The following NAV2 variants were observed in gnomAD, a reference collection of about 807,000 sequenced individuals.
NAV2 encodes the protein helicase, APC down-regulated 1.
Under a neutral mutation model 223.2 loss-of-function variants are expected in NAV2, and 54 were observed. The ratio of observed to expected loss-of-function variants is 0.24; its 90% CI spans 0.19 to 0.30. NAV2 has a LOEUF of 0.30. Ranked by LOEUF, NAV2 falls within the 10% of genes least tolerant of loss-of-function variation. The probability of loss-of-function intolerance (pLI) is 1.00; values close to 1 mark genes in which losing one functional copy is unlikely to be tolerated. For missense variants in NAV2, 2,806 were observed against 3,147.5 expected, an observed-to-expected ratio of 0.89 and a Z score of 2.60; for synonymous variants, 1,279 against 1,239.3, an observed-to-expected ratio of 1.03 and a Z score of -0.67.
At chr11:19,944,587 TTTTCC>T (rs908494293) in intron 8 of NAV2, among the ~76,000 whole-genome samples, 22 of 150,942 alleles carry the variant, frequency 1.5e-4, no homozygotes, top group African/African-American at 4.1e-4. Flanking sequence ...TCCATTTCCA[TTTTCC>T]TTTCCTTTCC....
At position 20,118,352 on chromosome 11, in the gene NAV2, CCA is replaced by C; in HGVS notation, c.*95_*96del. ...TGAAGATGACTTCCTGAGCCAGCCC[CCA>C]GCCACAGCCTTAGAGCTGCGGGAAC... On this transcript the variant is annotated 3_prime_UTR_variant, in exon 38 of 38. Transcript: ENST00000349880. 7.0e-7 allele frequency: 1 copy of C among 1,434,044 alleles called. No individual in the cohort carries two copies. 88.8% of individuals were successfully genotyped at this position (1,434,044 alleles called of 1,614,324 possible).
chr11:19,601,359 C>A (rs1191374930), intron 1 of NAV2, among the ~76,000 whole-genome samples: 2 of 152,186 alleles, frequency 1.3e-5, no homozygotes, highest in African/African-American at 4.8e-5. Flanking sequence ...TCTACAATTT[C>A]TCCTTCCCTT....
intron 1 of NAV2, among the ~76,000 whole-genome samples, chr11:19,780,288 C>T (rs921041614): frequency 6.6e-6 from 1 of 152,160 alleles, no homozygotes; most frequent in Admixed American, 6.5e-5. Context: ...TCCAAAGCAC[C>T]CACTGGGAGG....
intron 2 of NAV2, among the ~76,000 whole-genome samples, chr11:19,833,316 G>A (rs776468795): frequency 3.3e-4 from 50 of 152,330 alleles, no homozygotes; most frequent in Admixed American, 8.5e-4. Context: ...GAAGGTGCAA[G>A]GAGAGGACAG....
intron 1 of NAV2, among the ~76,000 whole-genome samples, chr11:19,737,756 C>T (rs1320515954): frequency 2.0e-5 from 3 of 152,204 alleles, no homozygotes; most frequent in Non-Finnish European, 2.9e-5. Context: ...ACATGCATAT[C>T]GTGCCCAGTG....
At chr11:19,628,483 G>C (rs565438187) in intron 1 of NAV2, among the ~76,000 whole-genome samples, 6 of 152,094 alleles carry the variant, frequency 3.9e-5, no homozygotes, top group African/African-American at 1.4e-4. Context: ...CCCACACCCC[G>C]TACACACATG....
chr11:19,679,007 T>G (rs1232689636), intron 1 of NAV2, among the ~76,000 whole-genome samples: 2 of 152,234 alleles, frequency 1.3e-5, no homozygotes, highest in Non-Finnish European at 1.5e-5. Flanking sequence ...TTTCCTATGT[T>G]GTTAAATGTG....
intron 1 of NAV2, among the ~76,000 whole-genome samples, chr11:19,451,126 T>C (rs556464482): frequency 6.6e-6 from 1 of 152,210 alleles, no homozygotes; most frequent in African/African-American, 2.4e-5. Flanking sequence ...CTGGGTCACA[T>C]AGTATGAAAG....
intron 1 of NAV2, among the ~76,000 whole-genome samples, chr11:19,669,393 G>T (rs1168631653): frequency 6.6e-6 from 1 of 152,162 alleles, no homozygotes; most frequent in Non-Finnish European, 1.5e-5. Flanking sequence ...CCATGTACCT[G>T]CTATATGGGG....
At chr11:19,700,393 C>G (rs778592621) in intron 1 of NAV2, among the ~76,000 whole-genome samples, 14 of 152,218 alleles carry the variant, frequency 9.2e-5, no homozygotes, top group Non-Finnish European at 1.9e-4. Flanking sequence ...TCCACTGCCT[C>G]TCTTTAATCT....
chr11:20,118,421 A>T lies in NAV2; in HGVS notation c.*163A>T. ...CTTCAGCCTCGACCTGGGTGCAGGC[A>T]TCCCGGGCCAGCTGCCTGCGGACCG... is the stretch of plus-strand genomic sequence containing the variant. On this transcript the variant is annotated 3_prime_UTR_variant, in exon 38 of 38. Coordinates refer to ENST00000349880, the MANE Select transcript of NAV2 (RefSeq NM_145117.5). 1 of 745,042 alleles carries T rather than the reference A, an allele frequency of 1.3e-6. No homozygotes were observed. Among genetic ancestry groups the T allele is most frequent in the Admixed American group, 2.4e-5 (1 of 42,518 alleles). 46.2% of individuals were successfully genotyped at this position (745,042 alleles called of 1,614,324 possible).
chr11:19,927,051 G>C (rs1244875660), intron 6 of NAV2, among the ~76,000 whole-genome samples: 1 of 152,214 alleles, frequency 6.6e-6, no homozygotes, highest in Non-Finnish European at 1.5e-5. Flanking sequence ...GAAGGTTAAG[G>C]CTGGTTGCCA....
Position 20,006,065 on chromosome 11 carries a change from T to A in NAV2, c.2768+21818T>A, listed in dbSNP as rs1416001840. Among the ~76,000 whole-genome samples the A allele has an allele frequency of 2.6e-5, 4 of 152,190 alleles. No individual in the cohort carries two copies. In the East Asian group the frequency reaches 7.8e-4, roughly 30 times the overall value. On this transcript the variant is annotated intron_variant, in intron 11 of 37. Coordinates refer to ENST00000349880, the MANE Select transcript of NAV2 (RefSeq NM_145117.5). ...AGGAGTTCCAGACCCTGTTACTCCC[T>A]GTTCCTGGGAATATTCACTCAGAAT...
chr11:20,017,947 T>TCCTC (rs1293261225), intron 11 of NAV2, among the ~76,000 whole-genome samples: 1 of 152,134 alleles, frequency 6.6e-6, no homozygotes, highest in East Asian at 1.9e-4. Flanking sequence ...GAGCTTTCCT[T>TCCTC]CCTCCCTCCC....
intron 1 of NAV2, among the ~76,000 whole-genome samples, chr11:19,772,823 G>C (rs971404376): frequency 1.3e-5 from 2 of 152,194 alleles, no homozygotes; most frequent in East Asian, 3.9e-4. Context: ...CACCGTGTCT[G>C]AGCTTTTTCC....
At position 20,003,995 on chromosome 11, in the gene NAV2, A is replaced by G. The variant is rs1258983242; in HGVS notation, c.2768+19748A>G. 2.0e-5 allele frequency among the ~76,000 whole-genome samples: 3 copies of G among 152,180 alleles called. No homozygotes were observed. The East Asian group carries it at 5.8e-4, about 29-fold the overall frequency. On this transcript the variant is annotated intron_variant, in intron 11 of 37. Coordinates refer to ENST00000349880, the MANE Select transcript of NAV2 (RefSeq NM_145117.5). ...GCTCATGTGAGTTCAGGAATATTTG[A>G]GAAGAAAACATCTTAGGAAAATTGC...
chr11:19,856,669 A>G (rs2061423185), intron 3 of NAV2, among the ~76,000 whole-genome samples: 1 of 152,216 alleles, frequency 6.6e-6, no homozygotes, highest in Non-Finnish European at 1.5e-5. Context: ...AACAATGGTG[A>G]TTTGGGGTTA....
intron 2 of NAV2, among the ~76,000 whole-genome samples, chr11:19,841,532 G>A (rs1252957284): frequency 6.6e-6 from 1 of 152,144 alleles, no homozygotes; most frequent in Non-Finnish European, 1.5e-5. Flanking sequence ...GATGTGAAAG[G>A]TAAACTATAC....
intron 1 of NAV2, among the ~76,000 whole-genome samples, chr11:19,732,123 C>T (rs531092441): frequency 1.3e-5 from 2 of 152,004 alleles, no homozygotes; most frequent in Admixed American, 6.6e-5. Flanking sequence ...CATGGTGGCG[C>T]GCACTTGTAG....
Sources: gnomAD v4.1 joint callset for allele counts (sites outside exome capture counted in the v4.1 genomes callset) on GRCh38, gnomAD v4.1.1 for gene constraint, MANE v1.5 for transcripts, NCBI Gene and HGNC (gene_info 2026-07-23, HGNC 2026-07-21) for gene names.